The following CFHR4 variants were observed in gnomAD, a reference collection of about 807,000 sequenced individuals.
CFHR4 encodes the protein complement factor H-related protein 4.
A neutral mutation model predicts 69.3 loss-of-function variants in CFHR4; 64 were observed. That is an observed-to-expected ratio of 0.92 (90% CI 0.76 to 1.14). The LOEUF (loss-of-function observed/expected upper bound fraction) is 1.14. Among genes scored for constraint, CFHR4 ranks in the 50% most tolerant of loss-of-function variants. CFHR4 has a pLI of 0.00. For synonymous variants in CFHR4, 244 were observed against 237.0 expected, an observed-to-expected ratio of 1.03 and a Z score of -0.27; for missense variants, 636 against 684.9, an observed-to-expected ratio of 0.93 and a Z score of 0.80.
At position 196,914,649 on chromosome 1, in the gene CFHR4, G is replaced by A; in HGVS notation, c.1335G>A (p.Trp445Ter). ...CCATAGTGTGTGGTGAAGATGGGTG[G>A]TCCCATTTCCCAACATGTTATAGTA... is the stretch of plus-strand genomic sequence containing the variant. ...TGSIVCGEDG[W>*]SHFPTCYNSS... The change falls in exon 8 of 10, where the codon TGG becomes TGA. Residue 445 changes from tryptophan to a stop codon, truncating the protein, a stop_gained. Coordinates refer to ENST00000608469, the MANE Select transcript of CFHR4 (RefSeq NM_001201550.3). LOFTEE classifies it high-confidence loss of function. The A allele has an allele frequency of 6.2e-7, 1 of 1,602,948 alleles. No homozygotes were observed. The highest frequency in any genetic ancestry group is 8.5e-7 in the Non-Finnish European group (1 of 1,176,614).
chr1:196,913,264 A>T (rs1658381435), intron 7 of CFHR4, among the ~76,000 whole-genome samples: 1 of 151,584 alleles, frequency 6.6e-6, no homozygotes, highest in Non-Finnish European at 1.5e-5. Context: ...TTTCAAAATT[A>T]TCAACTGCTT....
intron 1 of CFHR4, among the ~76,000 whole-genome samples, chr1:196,892,935 G>C (rs75855774): frequency 6.6e-6 from 1 of 151,652 alleles, no homozygotes; most frequent in South Asian, 2.1e-4. Context: ...ATGCAGTTAA[G>C]TGGAAGAAAA....
At chr1:196,910,625 C>G (rs1658209287) in intron 6 of CFHR4, 147 bp downstream of exon 6, 1 of 608,002 alleles carries the variant, frequency 1.6e-6, no homozygotes, top group African/African-American at 1.9e-5. Flanking sequence ...TAGATCTTTT[C>G]TGTTATGAGA....
Position 196,918,270 on chromosome 1 carries a change from G to A in CFHR4, c.1601G>A (p.Ser534Asn), listed in dbSNP as rs374409083. Residue 534 changes from serine (S) to asparagine (N), a missense_variant, in exon 10 of 10, where the codon AGT becomes AAT. This residue lies in a region of CFHR4 where 85 missense variants were observed against 79.0 expected (regional missense o/e 1.08). Transcript: ENST00000608469. ...AATAACATACAGTTAAAAGGAAAAA[G>A]TGACATAAAATATTATGCAAAAACA... is the stretch of plus-strand genomic sequence containing the variant. ...NKNNIQLKGK[S>N]DIKYYAKTGD... 37 of 1,608,068 alleles carry A rather than the reference G, an allele frequency of 2.3e-5. 1 individual carries two copies. The African/African-American group carries it at 2.7e-4, about 12-fold the overall frequency.
At chr1:196,908,808 A>G (rs930149903) in intron 5 of CFHR4, among the ~76,000 whole-genome samples, 3 of 151,546 alleles carry the variant, frequency 2.0e-5, no homozygotes, top group African/African-American at 7.3e-5. Context: ...CAAATGCTCA[A>G]GTTCCTAAGT....
chr1:196,914,690 T>C lies in CFHR4; in HGVS notation c.1357+19T>C. 1 of 1,566,348 alleles carries C rather than the reference T, an allele frequency of 6.4e-7. No homozygotes were observed. Among genetic ancestry groups the C allele is most frequent in the Non-Finnish European group, 8.6e-7 (1 of 1,160,512 alleles). On this transcript the variant is annotated intron_variant, in intron 8 of 9. Coordinates refer to ENST00000608469, the MANE Select transcript of CFHR4 (RefSeq NM_001201550.3). ...TGTTATAGTAAGTATTTTATTCAAG[T>C]ATTTTTTATTAGAATTAAATAAAAT...
intron 1 of CFHR4, among the ~76,000 whole-genome samples, chr1:196,894,682 CT>C: frequency 6.6e-6 from 1 of 151,534 alleles, no homozygotes. Flanking sequence ...AATAATCTGA[CT>C]AAGAAATACT....
intron 1 of CFHR4, among the ~76,000 whole-genome samples, chr1:196,891,218 C>T (rs943116071): frequency 6.6e-6 from 1 of 151,542 alleles, no homozygotes. Flanking sequence ...CTCTACTGAA[C>T]TCCAGCCTTG....
At chr1:196,897,307 G>T (rs1317349130) in intron 1 of CFHR4, among the ~76,000 whole-genome samples, 4 of 151,446 alleles carry the variant, frequency 2.6e-5, no homozygotes, top group Non-Finnish European at 1.5e-5. Context: ...CCACGGCAGC[G>T]TCTAGGGTAG....
intron 1 of CFHR4, 92 bp downstream of exon 1, chr1:196,888,300 T>C: frequency 7.9e-7 from 1 of 1,265,122 alleles, no homozygotes; most frequent in Admixed American, 1.7e-5. Context: ...TTTTTATAAA[T>C]CTGATAGGAT....
chr1:196,914,378 T>A, intron 7 of CFHR4, 117 bp from the exon 8 acceptor site: 1 of 987,748 alleles, frequency 1.0e-6, no homozygotes, highest in South Asian at 2.2e-5. Context: ...TTTTTAATAG[T>A]ACTCAATTTA....
At chr1:196,892,287 A>G (rs1166187507) in intron 1 of CFHR4, among the ~76,000 whole-genome samples, 1 of 151,568 alleles carries the variant, frequency 6.6e-6, no homozygotes, top group East Asian at 1.9e-4. Context: ...ATTTATACAC[A>G]GGAAAATAGA....
intron 9 of CFHR4, among the ~76,000 whole-genome samples, chr1:196,917,957 G>T (rs1162696688): frequency 6.6e-6 from 1 of 151,480 alleles, no homozygotes; most frequent in East Asian, 1.9e-4. Context: ...AAGAGTTCAG[G>T]CTCTAGAGAA....
intron 4 of CFHR4, 87 bp downstream of exon 4, chr1:196,907,124 A>T: frequency 1.6e-6 from 2 of 1,255,170 alleles, no homozygotes; most frequent in African/African-American, 1.5e-5. Flanking sequence ...GTGTATGAAT[A>T]CATATGTGTA....
intron 1 of CFHR4, among the ~76,000 whole-genome samples, chr1:196,893,665 A>T (rs992098421): frequency 6.6e-6 from 1 of 151,600 alleles, no homozygotes; most frequent in Non-Finnish European, 1.5e-5. Context: ...ATATGTTAGA[A>T]AGAGGTTAAT....
Position 196,911,359 on chromosome 1 carries a change from T to C in CFHR4, c.997+881T>C, listed in dbSNP as rs561734049. Among the ~76,000 whole-genome samples the C allele has an allele frequency of 3.9e-4, 59 of 151,602 alleles. 1 individual carries two copies. The highest frequency in any genetic ancestry group is 1.4e-3 in the African/African-American group (57 of 41,166). ...GACTACGGATTAAAGTAACATTGCT[T>C]CAGTATTTATATTGAAATCATGCTA... is the stretch of plus-strand genomic sequence containing the variant. On this transcript the variant is annotated intron_variant, in intron 6 of 9. Coordinates refer to ENST00000608469, the MANE Select transcript of CFHR4 (RefSeq NM_001201550.3).
chr1:196,912,906 A>G lies in CFHR4; in HGVS notation c.1164A>G (p.Ala388=). The G allele has an allele frequency of 6.2e-7, 1 of 1,611,860 alleles. No individual in the cohort carries two copies. Among genetic ancestry groups the G allele is most frequent in the Non-Finnish European group, 8.5e-7 (1 of 1,178,944 alleles). Reference sequence around the variant, plus strand: ...CATGTTTGCAAAATGGATGGTCAGCACAACCAATTTGCATTAGTAAGTGAT... The same window carrying G: ...CATGTTTGCAAAATGGATGGTCAGCGCAACCAATTTGCATTAGTAAGTGAT... ...SITCLQNGWS[A]QPICIKFCDM... The change falls in exon 7 of 10, where the codon GCA becomes GCG. Residue 388 remains alanine (A), a synonymous_variant. Coordinates refer to ENST00000608469, the MANE Select transcript of CFHR4 (RefSeq NM_001201550.3).
chr1:196,907,410 G>A lies in CFHR4; in HGVS notation c.711G>A (p.Glu237=), dbSNP rs767898740. The A allele has an allele frequency of 3.1e-6, 5 of 1,611,800 alleles. No homozygotes were observed. The highest frequency in any genetic ancestry group is 2.2e-5 in the East Asian group (1 of 44,814). ...TGTATCTGCCATGGTCAAGAGTCGA[G>A]TACCAGTGCCAGTCCTACTATGAAC... The part of the protein sequence containing the change: ...QKVYLPWSRV[E]YQCQSYYELQ... Residue 237 remains glutamate, a synonymous_variant, in exon 5 of 10, where the codon GAG becomes GAA. Coordinates refer to ENST00000608469, the MANE Select transcript of CFHR4 (RefSeq NM_001201550.3).
intron 6 of CFHR4, among the ~76,000 whole-genome samples, chr1:196,911,700 G>T (rs1175705308): frequency 1.3e-5 from 2 of 151,468 alleles, no homozygotes; most frequent in East Asian, 3.9e-4. Context: ...AAGAGCAACT[G>T]TCCTCAACAA....
Sources: gnomAD v4.1 joint callset for allele counts (sites outside exome capture counted in the v4.1 genomes callset) on GRCh38, gnomAD v4.1.1 for gene constraint, gnomAD v4.1.1 regional missense constraint, MANE v1.5 for transcripts, NCBI Gene and HGNC (gene_info 2026-07-23, HGNC 2026-07-21) for gene names.